The following PLCB1 variants were observed in gnomAD, a reference collection of about 807,000 sequenced individuals.
PLCB1 encodes 1-phosphatidylinositol 4,5-bisphosphate phosphodiesterase beta-1.
A neutral mutation model predicts 161.8 loss-of-function variants in PLCB1; 46 were observed. The ratio of observed to expected loss-of-function variants is 0.28; its 90% CI spans 0.22 to 0.36. The LOEUF (loss-of-function observed/expected upper bound fraction) is 0.36, where lower values mean the gene tolerates loss of function less well. PLCB1 is among the 10% of genes least tolerant of loss of function. The pLI is 1.00. For synonymous variants in PLCB1, 517 were observed against 503.7 expected (o/e 1.03, Z -0.35); for missense variants, 1,016 against 1,472.5 (o/e 0.69, Z 5.07).
chr20:8,236,117 G>C (rs1257946102), intron 2 of PLCB1, among the ~76,000 whole-genome samples: 2 of 152,120 alleles, frequency 1.3e-5, no homozygotes, highest in Non-Finnish European at 2.9e-5. Flanking sequence ...AAAAAATGCT[G>C]AGGGAATTAT....
At chr20:8,207,667 A>G (rs536136147) in intron 2 of PLCB1, among the ~76,000 whole-genome samples, 63 of 152,152 alleles carry the variant, frequency 4.1e-4, no homozygotes, top group African/African-American at 1.3e-3. Context: ...TGCAGCCTCA[A>G]ACTCTTGGGT....
At chr20:8,233,359 G>T (rs576278899) in intron 2 of PLCB1, among the ~76,000 whole-genome samples, 2 of 152,100 alleles carry the variant, frequency 1.3e-5, no homozygotes. Flanking sequence ...AAGACAATAA[G>T]AATGAATCCT....
At chr20:8,696,657 C>T (rs1600257729) in intron 10 of PLCB1, among the ~76,000 whole-genome samples, 1 of 152,230 alleles carries the variant, frequency 6.6e-6, no homozygotes, top group East Asian at 1.9e-4. Context: ...TTTGGGTCTT[C>T]TTTAGTTTCT....
At chr20:8,615,091 G>C (rs981397720) in intron 3 of PLCB1, among the ~76,000 whole-genome samples, 1 of 152,112 alleles carries the variant, frequency 6.6e-6, no homozygotes, top group African/African-American at 2.4e-5. Flanking sequence ...TGCACAGAAT[G>C]ACAATATGTA....
intron 9 of PLCB1, among the ~76,000 whole-genome samples, chr20:8,672,735 G>C (rs1989980021): frequency 6.6e-6 from 1 of 152,142 alleles, no homozygotes; most frequent in Non-Finnish European, 1.5e-5. Context: ...TGTAATGAGA[G>C]AATTACGTGC....
chr20:8,395,352 A>G (rs577611853), intron 3 of PLCB1, among the ~76,000 whole-genome samples: 6 of 152,038 alleles, frequency 3.9e-5, no homozygotes, highest in Non-Finnish European at 8.8e-5. Context: ...TTTAGAAGGC[A>G]TTGTCTACAT....
At chr20:8,310,435 T>G (rs1984345375) in intron 2 of PLCB1, among the ~76,000 whole-genome samples, 1 of 152,170 alleles carries the variant, frequency 6.6e-6, no homozygotes, top group Non-Finnish European at 1.5e-5. Context: ...ATATACTGTT[T>G]TATTGCATTT....
intron 3 of PLCB1, among the ~76,000 whole-genome samples, chr20:8,523,484 CTCTCTCTCTCTCTATATA>C (rs747055918): frequency 0.012 from 741 of 59,848 alleles, 23 homozygotes; most frequent in Middle Eastern, 0.029. Flanking sequence ...CTCTCTCTCT[CTCTCTCTCTCTCTATATA>C]TATATATATA....
intron 3 of PLCB1, among the ~76,000 whole-genome samples, chr20:8,434,022 G>C (rs1008204511): frequency 1.3e-5 from 2 of 152,034 alleles, no homozygotes; most frequent in Admixed American, 6.6e-5. Context: ...TCACAGTGAG[G>C]ATTAGTTTCT....
rs187035937 is a variant in PLCB1 at position 8,435,568 on chromosome 20, C to T, written c.246+64118C>T. Among the ~76,000 whole-genome samples, 17 of 152,206 alleles carry T rather than the reference C, an allele frequency of 1.1e-4. No homozygotes were observed. The East Asian group carries it at 2.5e-3, about 23-fold the overall frequency. On this transcript the variant is annotated intron_variant, in intron 3 of 31. Transcript: ENST00000338037. The stretch of plus-strand genomic sequence containing the variant: ...CTACATATCAAGGAAATATGACAGC[C>T]TCCGGAACTGCAAGCAGCCTCTGGT...
At position 8,632,800 on chromosome 20, in the gene PLCB1, G is replaced by A. The variant is rs145936170; in HGVS notation, c.384+4369G>A. 3.5e-4 allele frequency among the ~76,000 whole-genome samples: 53 copies of A among 152,280 alleles called. No homozygotes were observed. In the South Asian group the frequency reaches 5.4e-3, roughly 15 times the overall value. On this transcript the variant is annotated intron_variant, in intron 4 of 31. Coordinates refer to ENST00000338037, the MANE Select transcript of PLCB1 (RefSeq NM_015192.4). ...AGCAGCTGGGTAAGCAAGATTGAGGGAAGGTAGTAGCAGAGGGAACTGAGG... is the reference window on the plus strand; with the variant it reads ...AGCAGCTGGGTAAGCAAGATTGAGGAAAGGTAGTAGCAGAGGGAACTGAGG...
intron 18 of PLCB1, chr20:8,731,969 A>G (rs935348203): frequency 6.6e-6 from 1 of 151,974 alleles, no homozygotes; most frequent in African/African-American, 2.4e-5. Flanking sequence ...CCTCTTTATT[A>G]TGCACATAGA....
intron 27 of PLCB1, among the ~76,000 whole-genome samples, chr20:8,784,323 G>T (rs1338765942): frequency 1.3e-5 from 2 of 152,024 alleles, no homozygotes; most frequent in Admixed American, 1.3e-4. Context: ...AGCACTTTGG[G>T]AGACTGAGAA....
chr20:8,279,587 G>A (rs1379761467), intron 2 of PLCB1, among the ~76,000 whole-genome samples: 1 of 152,086 alleles, frequency 6.6e-6, no homozygotes, highest in Non-Finnish European at 1.5e-5. Flanking sequence ...GCTTAAAATG[G>A]TTAAAACTGT....
intron 2 of PLCB1, among the ~76,000 whole-genome samples, chr20:8,203,799 T>A (rs1020476968): frequency 1.3e-5 from 2 of 152,172 alleles, no homozygotes; most frequent in African/African-American, 4.8e-5. Context: ...GGAGATTTTT[T>A]AATACGTGCC....
intron 14 of PLCB1, among the ~76,000 whole-genome samples, chr20:8,722,020 A>G (rs1322652152): frequency 2.0e-5 from 3 of 152,208 alleles, no homozygotes; most frequent in Non-Finnish European, 4.4e-5. Context: ...TACATGTACC[A>G]TAGAAAGCAA....
intron 2 of PLCB1, among the ~76,000 whole-genome samples, chr20:8,281,950 T>C (rs1320849869): frequency 1.3e-5 from 2 of 152,126 alleles, no homozygotes. Flanking sequence ...GAAAAAACTT[T>C]AGATAAACTA....
chr20:8,480,027 A>G (rs529356464), intron 3 of PLCB1, among the ~76,000 whole-genome samples: 1 of 152,286 alleles, frequency 6.6e-6, no homozygotes, highest in Non-Finnish European at 1.5e-5. Context: ...CAGTAGTGGG[A>G]CAGTAGCTGA....
chr20:8,445,074 G>T (rs553805788), intron 3 of PLCB1, among the ~76,000 whole-genome samples: 24 of 152,158 alleles, frequency 1.6e-4, no homozygotes, highest in Non-Finnish European at 2.4e-4. Flanking sequence ...GTCAATTTTG[G>T]CTTTTGTTGC....
Sources: allele counts gnomAD v4.1 joint callset (sites outside exome capture counted in the v4.1 genomes callset), GRCh38; gene constraint gnomAD v4.1.1; transcripts MANE v1.5; gene names NCBI Gene and HGNC (gene_info 2026-07-23, HGNC 2026-07-21).